KLF15: variants seen among roughly 807,000 people sequenced by gnomAD.
The protein encoded by KLF15 is Krueppel-like factor 15.
In KLF15, 4 loss-of-function variants were observed where a neutral mutation model predicts 24.6. The observed-to-expected ratio is 0.16, with a 90% CI of 0.08 to 0.37. The LOEUF (loss-of-function observed/expected upper bound fraction) is 0.37. Ranked by LOEUF, KLF15 falls within the 10% of genes least tolerant of loss-of-function variation. KLF15 has a pLI of 1.00. For synonymous variants in KLF15, 246 were observed against 236.3 expected (o/e 1.04, Z -0.37); for missense variants, 496 against 560.6 (o/e 0.88, Z 1.16).
the KLF15 span, among the ~76,000 whole-genome samples, chr3:126,307,778 G>A: frequency 4.7e-4 from 72 of 152,250 alleles, no homozygotes; most frequent in African/African-American, 1.5e-3. Flanking sequence ...CCATCCCCTC[G>A]GCCTGGGCTG....
the KLF15 span, among the ~76,000 whole-genome samples, chr3:126,313,582 A>C: frequency 1.3e-5 from 2 of 152,090 alleles, no homozygotes. Flanking sequence ...ATCCCAAGCA[A>C]TGTCTGGGAA....
chr3:126,308,450 G>A, the KLF15 span, among the ~76,000 whole-genome samples: 1 of 152,138 alleles, frequency 6.6e-6, no homozygotes, highest in Non-Finnish European at 1.5e-5. Flanking sequence ...GCCGCCAGGG[G>A]ACGACCACCT....
chr3:126,340,063 G>A (rs891081675), downstream of KLF15, among the ~76,000 whole-genome samples: 4 of 152,202 alleles, frequency 2.6e-5, no homozygotes, highest in African/African-American at 9.6e-5. Flanking sequence ...AACTCACCTG[G>A]CACCACCAGA....
chr3:126,295,127 T>G, the KLF15 span, among the ~76,000 whole-genome samples: 5,583 of 152,234 alleles, frequency 0.037, 151 homozygotes, highest in African/African-American at 0.067. Context: ...CACATGCATA[T>G]ACATACATAT....
the KLF15 span, among the ~76,000 whole-genome samples, chr3:126,312,842 C>T: frequency 6.6e-6 from 1 of 152,124 alleles, no homozygotes; most frequent in African/African-American, 2.4e-5. Context: ...TGTCCTGGGC[C>T]CTCGCCTAGC....
the KLF15 span, among the ~76,000 whole-genome samples, chr3:126,307,686 G>T: frequency 6.6e-6 from 1 of 152,222 alleles, no homozygotes; most frequent in African/African-American, 2.4e-5. Context: ...ATAAAGGTCA[G>T]GATTTCTAGC....
the KLF15 span, among the ~76,000 whole-genome samples, chr3:126,328,261 C>T: frequency 6.6e-6 from 1 of 152,124 alleles, no homozygotes; most frequent in East Asian, 1.9e-4. Context: ...GCTGTTAATT[C>T]ATTCCTTTTT....
At chr3:126,329,143 C>T in the KLF15 span, among the ~76,000 whole-genome samples, 1 of 152,210 alleles carries the variant, frequency 6.6e-6, no homozygotes, top group Non-Finnish European at 1.5e-5. Context: ...CTTTTACCCA[C>T]TTGGAGTGGA....
At chr3:126,314,487 A>T in the KLF15 span, among the ~76,000 whole-genome samples, 22 of 152,148 alleles carry the variant, frequency 1.4e-4, no homozygotes, top group Non-Finnish European at 3.2e-4. Flanking sequence ...TTGTGTTCTT[A>T]GGGCTCAGGG....
chr3:126,337,857 A>G (rs2082450266), downstream of KLF15, among the ~76,000 whole-genome samples: 1 of 152,188 alleles, frequency 6.6e-6, no homozygotes, highest in South Asian at 2.1e-4. Flanking sequence ...TTGTTTAAAC[A>G]GATGGGGAAT....
the KLF15 span, among the ~76,000 whole-genome samples, chr3:126,318,265 A>G: frequency 6.6e-6 from 1 of 152,190 alleles, no homozygotes; most frequent in South Asian, 2.1e-4. Flanking sequence ...CCAAAATATG[A>G]GGGAGGAAAA....
rs541359589 is a variant in KLF15, at chr3:126,355,441, C to T, written c.-26+1796G>A. ...TGCTCACTTCACTTCAGCCTCAGCC[C>T]GGGGCCACTGCCCTGGCTCTTCCCC... On this transcript the variant is annotated intron_variant, in intron 1 of 2. Transcript: ENST00000296233. Among the ~76,000 whole-genome samples the T allele has an allele frequency of 3.9e-5, 6 of 152,318 alleles. No homozygotes were observed. The East Asian group carries it at 9.7e-4, about 25-fold the overall frequency.
chr3:126,299,502 C>G, the KLF15 span, among the ~76,000 whole-genome samples: 1 of 151,990 alleles, frequency 6.6e-6, no homozygotes, highest in Non-Finnish European at 1.5e-5. Flanking sequence ...GTAATCCCAG[C>G]ACTTTGGGAG....
the KLF15 span, among the ~76,000 whole-genome samples, chr3:126,296,026 T>A: frequency 6.6e-6 from 1 of 152,200 alleles, no homozygotes; most frequent in Non-Finnish European, 1.5e-5. Context: ...GTCCCATTGC[T>A]GTTGTCCCTG....
chr3:126,299,946 C>T, the KLF15 span, among the ~76,000 whole-genome samples: 2 of 151,982 alleles, frequency 1.3e-5, no homozygotes, highest in Non-Finnish European at 2.9e-5. Flanking sequence ...TTGTTTGAGC[C>T]CCCGGTCTTT....
downstream of KLF15, among the ~76,000 whole-genome samples, chr3:126,339,782 G>T (rs1047680681): frequency 6.6e-6 from 1 of 152,144 alleles, no homozygotes; most frequent in South Asian, 2.1e-4. Context: ...TCCACCTCCC[G>T]GCTCTCACGG....
chr3:126,319,028 G>A, the KLF15 span, among the ~76,000 whole-genome samples: 9 of 152,304 alleles, frequency 5.9e-5, no homozygotes, highest in African/African-American at 1.7e-4. Context: ...GCTTTTTCCA[G>A]ATTGTCACAG....
intron 1 of KLF15, among the ~76,000 whole-genome samples, 165 bp downstream of exon 1, chr3:126,357,072 C>T (rs962580402): frequency 1.3e-5 from 2 of 151,660 alleles, no homozygotes; most frequent in African/African-American, 4.8e-5. Flanking sequence ...GACCCCTGCC[C>T]ACCTCCGCGG....
chr3:126,343,626 A>G lies in KLF15; in HGVS notation c.*101T>C. 1 of 1,211,096 alleles carries G rather than the reference A, an allele frequency of 8.3e-7. No homozygotes were observed. Among genetic ancestry groups the G allele is most frequent in the Non-Finnish European group, 1.2e-6 (1 of 856,724 alleles). The allele number at this position is 1,211,096 out of a possible 1,614,324, so 75.0% of individuals were successfully genotyped here. ...AGGCTTCAGAAGGTGGGCTGGTAACATTGCCATGTCCCTCTGGAGGAGGCA... is the reference window on the plus strand; with the variant it reads ...AGGCTTCAGAAGGTGGGCTGGTAACGTTGCCATGTCCCTCTGGAGGAGGCA... On this transcript the variant is annotated 3_prime_UTR_variant, in exon 3 of 3. Coordinates refer to ENST00000296233, the MANE Select transcript of KLF15 (RefSeq NM_014079.4).
Sources: gnomAD v4.1 joint callset for allele counts (sites outside exome capture counted in the v4.1 genomes callset) on GRCh38, gnomAD v4.1.1 for gene constraint, MANE v1.5 for transcripts, NCBI Gene and HGNC (gene_info 2026-07-23, HGNC 2026-07-21) for gene names.